Variants in XYLT1 observed in about 807,000 individuals in gnomAD.
XYLT1 encodes beta-D-xylosyltransferase 1.
In XYLT1, 36 loss-of-function variants were observed where a neutral mutation model predicts 91.3. The ratio of observed to expected loss-of-function variants is 0.39; its 90% CI spans 0.30 to 0.52. XYLT1 has a LOEUF of 0.52. Among genes scored for constraint, XYLT1 ranks in the 20% least tolerant of loss-of-function variants. XYLT1 has a pLI of 0.68. For synonymous variants in XYLT1, 588 were observed against 532.0 expected (o/e 1.11, Z -1.45); for missense variants, 1,242 against 1,284.5 (o/e 0.97, Z 0.51).
intron 6 of XYLT1, among the ~76,000 whole-genome samples, chr16:17,145,440 G>C (rs1335431110): frequency 6.6e-6 from 1 of 152,216 alleles, no homozygotes; most frequent in East Asian, 1.9e-4. Context: ...TTGGATTGTT[G>C]CTGGAGTTAG....
intron 5 of XYLT1, among the ~76,000 whole-genome samples, chr16:17,197,026 T>G (rs986042386): frequency 8.0e-6 from 1 of 124,710 alleles, no homozygotes; most frequent in Non-Finnish European, 1.7e-5. Context: ...TATATATATA[T>G]ATATAGATAT....
Position 17,106,907 on chromosome 16 carries a change from C to T in XYLT1, c.*1788G>A, listed in dbSNP as rs1358073931. 1 of 151,966 alleles carries T rather than the reference C, an allele frequency of 6.6e-6. No individual in the cohort carries two copies. Among genetic ancestry groups the T allele is most frequent in the African/African-American group, 2.4e-5 (1 of 41,354 alleles). 9.4% of individuals were successfully genotyped at this position (151,966 alleles called of 1,614,324 possible). A position where few individuals can be genotyped will look rare whatever the true frequency, so the allele number is the denominator to read the frequency against. On this transcript the variant is annotated 3_prime_UTR_variant, in exon 12 of 12. Transcript: ENST00000261381. Reference sequence around the variant, plus strand: ...GCTTTCTTTGCGTGGTGTTCGATGCCCCTGCTTTACTCTGAGGATGAGGAG... The same window carrying T: ...GCTTTCTTTGCGTGGTGTTCGATGCTCCTGCTTTACTCTGAGGATGAGGAG...
chr16:17,254,981 CCTTTTTTT>C (rs1486613831), intron 3 of XYLT1, among the ~76,000 whole-genome samples: 1 of 148,062 alleles, frequency 6.8e-6, no homozygotes, highest in Non-Finnish European at 1.5e-5. Context: ...CTTTCTTTTT[CCTTTTTTT>C]CTTTTTCTTT....
At chr16:17,116,219 T>G (rs11641613) in intron 11 of XYLT1, among the ~76,000 whole-genome samples, 79,345 of 151,866 alleles carry the variant, frequency 0.52, 24,416 homozygotes, top group Non-Finnish European at 0.68. Flanking sequence ...GAAATAGAAG[T>G]ATAAAAGTAA....
chr16:17,322,484 A>G (rs2034739253), intron 2 of XYLT1, among the ~76,000 whole-genome samples: 1 of 152,184 alleles, frequency 6.6e-6, no homozygotes, highest in Non-Finnish European at 1.5e-5. Flanking sequence ...GGGTTTTAAC[A>G]AGGGGTTTAG....
At chr16:17,315,010 C>T (rs560035524) in intron 2 of XYLT1, among the ~76,000 whole-genome samples, 73 of 152,232 alleles carry the variant, frequency 4.8e-4, no homozygotes, top group South Asian at 1.0e-3. Context: ...TGAGGAGCCA[C>T]GTGGCGGGTT....
intron 1 of XYLT1, among the ~76,000 whole-genome samples, chr16:17,469,936 G>C (rs558046913): frequency 2.6e-5 from 4 of 152,272 alleles, no homozygotes; most frequent in African/African-American, 9.6e-5. Context: ...CGGGGACTTG[G>C]GACGCCCAGC....
chr16:17,456,401 G>A (rs982478580), intron 1 of XYLT1, among the ~76,000 whole-genome samples: 10 of 146,426 alleles, frequency 6.8e-5, no homozygotes, highest in Middle Eastern at 3.5e-3. Flanking sequence ...GCAGTGGTGC[G>A]ATCACGGCTC....
At chr16:17,462,963 G>C (rs2036842085) in intron 1 of XYLT1, among the ~76,000 whole-genome samples, 1 of 152,176 alleles carries the variant, frequency 6.6e-6, no homozygotes, top group South Asian at 2.1e-4. Context: ...TTTGACAAAG[G>C]CTGGGGAAAG....
chr16:17,360,493 A>G (rs2035366466), intron 1 of XYLT1, among the ~76,000 whole-genome samples: 1 of 152,208 alleles, frequency 6.6e-6, no homozygotes, highest in Admixed American at 6.5e-5. Context: ...CAAAAGCACA[A>G]ATGCTATCTA....
At chr16:17,376,541 A>T (rs924275323) in intron 1 of XYLT1, among the ~76,000 whole-genome samples, 7 of 152,162 alleles carry the variant, frequency 4.6e-5, no homozygotes, top group African/African-American at 1.7e-4. Flanking sequence ...AAGAACAGGG[A>T]CCTGGCTGGG....
Position 17,194,535 on chromosome 16 carries a change from G to A in XYLT1, c.1289+3677C>T, listed in dbSNP as rs117866532. On this transcript the variant is annotated intron_variant, in intron 5 of 11. Coordinates refer to ENST00000261381, the MANE Select transcript of XYLT1 (RefSeq NM_022166.4). ...TTTGAGCACAGCCCCTAAGACTGAG[G>A]AACAGACAATGGGGGTCCTCCCAGG... 7.0e-4 allele frequency among the ~76,000 whole-genome samples: 106 copies of A among 152,262 alleles called. No individual in the cohort carries two copies. The East Asian group carries it at 0.016, about 23-fold the overall frequency.
rs7200389 is a variant in XYLT1, at chr16:17,182,283, A to G, written c.1289+15929T>C. ...ATTTACTCACAGTTCTGGAGACTGG[A>G]AAGTCCAAAGTGCCTGTCAATTAGA... On this transcript the variant is annotated intron_variant, in intron 5 of 11. Transcript: ENST00000261381. Among the ~76,000 whole-genome samples the G allele has an allele frequency of 3.8e-3, 579 of 152,254 alleles. 1 individual carries two copies. The highest frequency in any genetic ancestry group is 0.013 in the African/African-American group (558 of 41,562).
chr16:17,181,750 T>C (rs533913423), intron 5 of XYLT1, among the ~76,000 whole-genome samples: 1 of 152,200 alleles, frequency 6.6e-6, no homozygotes, highest in South Asian at 2.1e-4. Context: ...CCCAAATGAA[T>C]TGCACTTCTT....
chr16:17,298,838 C>G (rs2034353513), intron 2 of XYLT1, among the ~76,000 whole-genome samples: 1 of 152,160 alleles, frequency 6.6e-6, no homozygotes, highest in African/African-American at 2.4e-5. Flanking sequence ...CCTCAAGCAA[C>G]TTGTCAGAGG....
rs1451332552 is a variant in XYLT1 at position 17,461,377 on chromosome 16, G to A, written c.363+9057C>T. ...TGTGAGAGTGATCTCCCTAGAGATC[G>A]GCCACTTATCAGCACGGGCTCTAAC... On this transcript the variant is annotated intron_variant, in intron 1 of 11. Coordinates refer to ENST00000261381, the MANE Select transcript of XYLT1 (RefSeq NM_022166.4). Among the ~76,000 whole-genome samples, 8 of 152,226 alleles carry A rather than the reference G, an allele frequency of 5.3e-5. No individual in the cohort carries two copies. In the South Asian group the frequency reaches 6.2e-4, roughly 12 times the overall value.
chr16:17,197,032 G>GATATATATATATATATATATAT (rs60552078), intron 5 of XYLT1, among the ~76,000 whole-genome samples: 1 of 89,896 alleles, frequency 1.1e-5, no homozygotes. Context: ...TATATATATA[G>GATATATATATATATATATATAT]ATATATATAC....
chr16:17,241,138 C>T (rs2033339027), intron 3 of XYLT1, among the ~76,000 whole-genome samples: 1 of 152,250 alleles, frequency 6.6e-6, no homozygotes, highest in Non-Finnish European at 1.5e-5. Flanking sequence ...GTCTTTATTG[C>T]TCTACAAATG....
rs139575653 is a variant in XYLT1, at chr16:17,150,406, A to G, written c.1370+8423T>C. On this transcript the variant is annotated intron_variant, in intron 6 of 11. Coordinates refer to ENST00000261381, the MANE Select transcript of XYLT1 (RefSeq NM_022166.4). ...TCCAGGCTCTGCTCTATGCACTGAG[A>G]AAATGGTTTTAAATAAAATGGACAT... Among the ~76,000 whole-genome samples, 725 of 152,328 alleles carry G rather than the reference A, an allele frequency of 4.8e-3. 8 individuals carry two copies. Among genetic ancestry groups the G allele is most frequent in the African/African-American group, 0.017 (702 of 41,578 alleles).
Sources: allele counts gnomAD v4.1 joint callset (sites outside exome capture counted in the v4.1 genomes callset), GRCh38; gene constraint gnomAD v4.1.1; transcripts MANE v1.5; gene names NCBI Gene and HGNC (gene_info 2026-07-23, HGNC 2026-07-21).